The following PTPRD variants were observed in gnomAD, a reference collection of about 807,000 sequenced individuals.
PTPRD encodes the protein receptor-type tyrosine-protein phosphatase delta.
Under a neutral mutation model 214.5 loss-of-function variants are expected in PTPRD, and 34 were observed. The ratio of observed to expected loss-of-function variants is 0.16; its 90% CI spans 0.12 to 0.21. The LOEUF (loss-of-function observed/expected upper bound fraction) is 0.21. Ranked by LOEUF, PTPRD falls within the 10% of genes least tolerant of loss-of-function variation. The pLI, the probability that PTPRD is intolerant of heterozygous loss-of-function variation, is 1.00. For synonymous variants in PTPRD, 1,128 were observed against 845.7 expected (o/e 1.33, Z -5.79); for missense variants, 2,545 against 2,398.7 (o/e 1.06, Z -1.27).
At chr9:9,413,387 T>C (rs2076109963) in intron 8 of PTPRD, among the ~76,000 whole-genome samples, 1 of 152,034 alleles carries the variant, frequency 6.6e-6, no homozygotes, top group African/African-American at 2.4e-5. Context: ...GTGCTGGGAT[T>C]ACAGGCGTGA....
chr9:9,504,588 G>C (rs2096526803), intron 8 of PTPRD, among the ~76,000 whole-genome samples: 1 of 151,660 alleles, frequency 6.6e-6, no homozygotes, highest in Non-Finnish European at 1.5e-5. Flanking sequence ...TCTAAGATGA[G>C]ATACAAGGCA....
chr9:9,948,183 T>C (rs1566630824), intron 4 of PTPRD, among the ~76,000 whole-genome samples: 1 of 152,098 alleles, frequency 6.6e-6, no homozygotes, highest in Non-Finnish European at 1.5e-5. Context: ...CAAAGTCACC[T>C]TCCTTGTGAA....
At chr9:9,787,597 T>A (rs2154493746) in intron 5 of PTPRD, among the ~76,000 whole-genome samples, 1 of 151,708 alleles carries the variant, frequency 6.6e-6, no homozygotes, top group East Asian at 1.9e-4. Context: ...GATTGAGGAA[T>A]GGAGAAAAAC....
At chr9:8,380,729 C>T (rs1399769078) in intron 37 of PTPRD, among the ~76,000 whole-genome samples, 1 of 151,996 alleles carries the variant, frequency 6.6e-6, no homozygotes, top group African/African-American at 2.4e-5. Flanking sequence ...GGAGCTGATC[C>T]ATTAGGTCTG....
chr9:9,847,373 C>T (rs1342280202), intron 5 of PTPRD, among the ~76,000 whole-genome samples: 1 of 152,064 alleles, frequency 6.6e-6, no homozygotes, highest in Non-Finnish European at 1.5e-5. Flanking sequence ...TGCAGGATTT[C>T]AAGCATGTCA....
At chr9:10,522,307 G>A (rs1319798930) in intron 2 of PTPRD, among the ~76,000 whole-genome samples, 1 of 152,148 alleles carries the variant, frequency 6.6e-6, no homozygotes. Context: ...TGAATACACA[G>A]CCCTCAAGTG....
At chr9:9,253,524 C>T (rs971794848) in intron 9 of PTPRD, among the ~76,000 whole-genome samples, 1 of 151,710 alleles carries the variant, frequency 6.6e-6, no homozygotes, top group East Asian at 1.9e-4. Flanking sequence ...TATGTATACA[C>T]ATATCTCCCT....
intron 14 of PTPRD, among the ~76,000 whole-genome samples, chr9:8,565,427 T>C (rs1389400167): frequency 1.3e-5 from 2 of 152,222 alleles, no homozygotes; most frequent in Non-Finnish European, 2.9e-5. Context: ...TGTTATCAAA[T>C]ACTAAATGCT....
chr9:9,478,871 T>G (rs2095254048), intron 8 of PTPRD, among the ~76,000 whole-genome samples: 1 of 152,200 alleles, frequency 6.6e-6, no homozygotes, highest in Non-Finnish European at 1.5e-5. Context: ...CATCTCATGT[T>G]TGCTTACGCA....
At chr9:9,523,236 A>G (rs2097032989) in intron 8 of PTPRD, among the ~76,000 whole-genome samples, 1 of 152,170 alleles carries the variant, frequency 6.6e-6, no homozygotes, top group African/African-American at 2.4e-5. Context: ...TTAGGCAAAG[A>G]TTATATTTAA....
intron 2 of PTPRD, among the ~76,000 whole-genome samples, chr9:10,433,218 C>T (rs1211915442): frequency 2.0e-5 from 3 of 151,960 alleles, no homozygotes; most frequent in Non-Finnish European, 2.9e-5. Flanking sequence ...TTACTTTTAT[C>T]TATTTCTGTA....
intron 25 of PTPRD, among the ~76,000 whole-genome samples, chr9:8,497,469 G>A (rs2097302132): frequency 6.6e-6 from 1 of 152,110 alleles, no homozygotes; most frequent in Admixed American, 6.5e-5. Context: ...CTTTGTTACT[G>A]TTATCACTAA....
intron 14 of PTPRD, 84 bp from the exon 15 acceptor site, chr9:8,528,863 C>T (rs1003717152): frequency 2.2e-6 from 3 of 1,360,704 alleles, no homozygotes; most frequent in Non-Finnish European, 2.0e-6. Flanking sequence ...TCTCTCTTTA[C>T]CTTACTCAGT....
At chr9:8,422,089 G>A (rs1255795997) in intron 35 of PTPRD, among the ~76,000 whole-genome samples, 19 of 132,292 alleles carry the variant, frequency 1.4e-4, no homozygotes, top group Admixed American at 2.6e-4. Context: ...AGAGGCTGCC[G>A]TGAACCCTGA....
At chr9:9,264,890 T>C (rs1050051396) in intron 9 of PTPRD, among the ~76,000 whole-genome samples, 1 of 107,206 alleles carries the variant, frequency 9.3e-6, no homozygotes, top group African/African-American at 3.6e-5. Flanking sequence ...GTATTCAAAG[T>C]GATGAAAGAA....
chr9:10,498,200 C>T (rs368751593), intron 2 of PTPRD, among the ~76,000 whole-genome samples: 12 of 151,856 alleles, frequency 7.9e-5, no homozygotes, highest in East Asian at 3.9e-4. Flanking sequence ...CATGCCACCA[C>T]GGATTCTGAT....
intron 3 of PTPRD, among the ~76,000 whole-genome samples, chr9:10,073,385 C>G (rs1663440808): frequency 6.6e-6 from 1 of 151,960 alleles, no homozygotes; most frequent in Non-Finnish European, 1.5e-5. Context: ...CACATAAATA[C>G]TATACTATAG....
At chr9:10,111,383 C>T (rs1221164592) in intron 3 of PTPRD, among the ~76,000 whole-genome samples, 2 of 148,444 alleles carry the variant, frequency 1.3e-5, no homozygotes, top group African/African-American at 2.5e-5. Flanking sequence ...GGACTACAGG[C>T]GCCCGCCACT....
rs33977592 is a variant in PTPRD, at chr9:10,384,074, C to CAAAAAA, written c.-599-43063_-599-43058dup. On this transcript the variant is annotated intron_variant, in intron 2 of 45. Transcript: ENST00000381196. ...AGGAGGTGGGGATGGTTAATGGGTACAAAAAAAAAAAAAAATAGAAAAAGA... is the reference window on the plus strand; with the variant it reads ...AGGAGGTGGGGATGGTTAATGGGTACAAAAAAAAAAAAAAAAAAAAATAGAAAAAGA... Among the ~76,000 whole-genome samples, 32 of 104,726 alleles carry CAAAAAA rather than the reference C, an allele frequency of 3.1e-4. No individual in the cohort carries two copies. The South Asian group carries it at 3.9e-3, about 13-fold the overall frequency. 68.7% of individuals were successfully genotyped at this position (104,726 alleles called of 152,430 possible).
Sources: gnomAD v4.1 joint callset for allele counts (sites outside exome capture counted in the v4.1 genomes callset) on GRCh38, gnomAD v4.1.1 for gene constraint, MANE v1.5 for transcripts, NCBI Gene and HGNC (gene_info 2026-07-23, HGNC 2026-07-21) for gene names.